Variants in FOXJ3 observed in about 807,000 individuals in gnomAD.
FOXJ3 encodes the protein forkhead box J3.
In FOXJ3, 22 loss-of-function variants were observed where a neutral mutation model predicts 76.1. The ratio of observed to expected loss-of-function variants is 0.29; its 90% CI spans 0.21 to 0.41. FOXJ3 has a LOEUF of 0.41. Ranked by LOEUF, FOXJ3 falls within the 10% of genes least tolerant of loss-of-function variation. The pLI is 1.00. For missense variants in FOXJ3, 613 were observed against 762.1 expected (o/e 0.80, Z 2.30); for synonymous variants, 269 against 261.2 (o/e 1.03, Z -0.29).
chr1:42,176,601 G>A lies in FOXJ3; in HGVS notation c.*3109C>T, dbSNP rs1490873995. 6.6e-6 allele frequency: 1 copy of A among 152,524 alleles called. No individual in the cohort carries two copies. Among genetic ancestry groups the A allele is most frequent in the African/African-American group, 2.4e-5 (1 of 41,414 alleles). 9.4% of individuals were successfully genotyped at this position (152,524 alleles called of 1,614,324 possible). A position where few individuals can be genotyped will look rare whatever the true frequency, so the allele number is the denominator to read the frequency against. ...GTGCCATTCATGCATATCAGTTCTG[G>A]CAGCAACAATCCTAATGACACTTGG... On this transcript the variant is annotated 3_prime_UTR_variant, in exon 13 of 13. Transcript: ENST00000361346.
chr1:42,254,219 C>A (rs1454812259), intron 4 of FOXJ3, among the ~76,000 whole-genome samples: 4 of 150,788 alleles, frequency 2.7e-5, no homozygotes, highest in Non-Finnish European at 5.9e-5. Flanking sequence ...AAAAAATGCT[C>A]ATCATCACTG....
At chr1:42,287,081 C>T (rs1270831175) in intron 2 of FOXJ3, among the ~76,000 whole-genome samples, 3 of 151,912 alleles carry the variant, frequency 2.0e-5, no homozygotes, top group African/African-American at 2.4e-5. Flanking sequence ...TGGCTCACAC[C>T]TGTAATCCCA....
chr1:42,179,371 A>AT lies in FOXJ3; in HGVS notation c.*338dup, dbSNP rs1646273235. On this transcript the variant is annotated 3_prime_UTR_variant, in exon 13 of 13. Transcript: ENST00000361346. Reference sequence around the variant, plus strand: ...TATATTTACACATATGTATCTTTATATAAACTGCTTGCAGCAAAATAGGCT... The same window carrying AT: ...TATATTTACACATATGTATCTTTATATTAAACTGCTTGCAGCAAAATAGGCT... 1.2e-5 allele frequency: 2 copies of AT among 169,568 alleles called. No individual in the cohort carries two copies. Among genetic ancestry groups the AT allele is most frequent in the South Asian group, 3.5e-4 (2 of 5,784 alleles). 10.5% of individuals were successfully genotyped at this position (169,568 alleles called of 1,614,324 possible). A position where few individuals can be genotyped will look rare whatever the true frequency, so the allele number is the denominator to read the frequency against.
At chr1:42,201,788 C>T (rs1036747006) in intron 6 of FOXJ3, among the ~76,000 whole-genome samples, 3 of 152,098 alleles carry the variant, frequency 2.0e-5, no homozygotes, top group Admixed American at 1.3e-4. Flanking sequence ...TGTTTATATA[C>T]AATCAATATT....
chr1:42,333,229 C>T (rs756001981), intron 1 of FOXJ3, among the ~76,000 whole-genome samples: 18 of 151,784 alleles, frequency 1.2e-4, no homozygotes, highest in East Asian at 1.9e-4. Context: ...AGGGAATATA[C>T]GAACTGTACC....
intron 5 of FOXJ3, among the ~76,000 whole-genome samples, chr1:42,209,295 G>A (rs939495692): frequency 2.6e-5 from 4 of 152,074 alleles, no homozygotes; most frequent in African/African-American, 7.2e-5. Flanking sequence ...AAAACAATTC[G>A]TTTTTTCTTT....
chr1:42,327,149 T>C (rs1016831274), intron 1 of FOXJ3, among the ~76,000 whole-genome samples: 9 of 152,100 alleles, frequency 5.9e-5, no homozygotes, highest in African/African-American at 2.2e-4. Context: ...TCCCCTACAA[T>C]AATATAAAAC....
intron 4 of FOXJ3, among the ~76,000 whole-genome samples, chr1:42,237,693 T>C (rs1648800180): frequency 6.6e-6 from 1 of 151,906 alleles, no homozygotes; most frequent in Non-Finnish European, 1.5e-5. Flanking sequence ...TTTTTTAAAT[T>C]TGCCTACTCC....
chr1:42,240,203 T>C (rs1649024641), intron 4 of FOXJ3, among the ~76,000 whole-genome samples: 1 of 152,212 alleles, frequency 6.6e-6, no homozygotes, highest in Non-Finnish European at 1.5e-5. Context: ...TTTGTTTTTA[T>C]AGAGGTAGGG....
chr1:42,252,670 T>A (rs1458859605), intron 4 of FOXJ3, among the ~76,000 whole-genome samples: 1 of 151,962 alleles, frequency 6.6e-6, no homozygotes, highest in Non-Finnish European at 1.5e-5. Context: ...TTCTGCTAGC[T>A]TTTGAATGTG....
chr1:42,195,094 AG>A (rs1646626355), intron 7 of FOXJ3, 30 bp from the exon 8 acceptor site: 2 of 1,542,544 alleles, frequency 1.3e-6, no homozygotes, highest in Non-Finnish European at 1.8e-6. Context: ...CAACTAATTC[AG>A]CCTCTCTACT....
chr1:42,228,213 T>C (rs1427025264), intron 4 of FOXJ3, among the ~76,000 whole-genome samples: 2 of 152,082 alleles, frequency 1.3e-5, no homozygotes, highest in African/African-American at 4.8e-5. Context: ...CACACCAAAA[T>C]TTAGAAAGAA....
intron 1 of FOXJ3, among the ~76,000 whole-genome samples, chr1:42,318,051 T>C (rs1383974426): frequency 6.6e-6 from 1 of 151,968 alleles, no homozygotes; most frequent in Non-Finnish European, 1.5e-5. Context: ...CTTCAAAAAT[T>C]GGGGGGAAAA....
At chr1:42,248,503 C>T (rs1320587016) in intron 4 of FOXJ3, among the ~76,000 whole-genome samples, 1 of 147,166 alleles carries the variant, frequency 6.8e-6, no homozygotes, top group Non-Finnish European at 1.5e-5. Flanking sequence ...CACTGCACTC[C>T]AGCCTGGGCG....
chr1:42,195,136 T>C (rs1442993526), intron 7 of FOXJ3, 72 bp from the exon 8 acceptor site: 1 of 1,144,478 alleles, frequency 8.7e-7, no homozygotes, highest in Non-Finnish European at 1.2e-6. Context: ...ATAAAATATA[T>C]AACTGAAAAC....
intron 2 of FOXJ3, among the ~76,000 whole-genome samples, chr1:42,294,718 C>A (rs570725012): frequency 7.5e-6 from 1 of 134,056 alleles, no homozygotes; most frequent in Non-Finnish European, 1.5e-5. Context: ...GCAGAGATCA[C>A]GCCATTGCAC....
intron 3 of FOXJ3, among the ~76,000 whole-genome samples, chr1:42,269,613 T>G (rs1570112918): frequency 6.6e-6 from 1 of 152,166 alleles, no homozygotes; most frequent in Non-Finnish European, 1.5e-5. Context: ...CTCCAGAAAC[T>G]CCTCAAACTC....
chr1:42,258,318 C>A lies in FOXJ3; in HGVS notation c.444+6797G>T, dbSNP rs550744911. 3.9e-5 allele frequency among the ~76,000 whole-genome samples: 6 copies of A among 152,328 alleles called. 1 individual carries two copies. In the East Asian group the frequency reaches 7.7e-4, roughly 20 times the overall value. ...TAGGATGCTGTTCCTGGTAACTGCT[C>A]AGGCACAGCATTTGCATGCACCACA... On this transcript the variant is annotated intron_variant, in intron 4 of 12. Transcript: ENST00000361346.
At chr1:42,288,874 G>C (rs1653234746) in intron 2 of FOXJ3, among the ~76,000 whole-genome samples, 1 of 152,042 alleles carries the variant, frequency 6.6e-6, no homozygotes, top group Admixed American at 6.5e-5. Flanking sequence ...ACTAAATTTT[G>C]TTTTGGAACA....
Sources: gnomAD v4.1 joint callset for allele counts (sites outside exome capture counted in the v4.1 genomes callset) on GRCh38, gnomAD v4.1.1 for gene constraint, MANE v1.5 for transcripts, NCBI Gene and HGNC (gene_info 2026-07-23, HGNC 2026-07-21) for gene names.